The following FAM110B variants were observed in gnomAD, a reference collection of about 807,000 sequenced individuals.
FAM110B encodes the protein family with sequence similarity 110 member B.
A neutral mutation model predicts 20.4 loss-of-function variants in FAM110B; 6 were observed. The ratio of observed to expected loss-of-function variants is 0.29; its 90% CI spans 0.16 to 0.58. FAM110B has a LOEUF of 0.58. Among genes scored for constraint, FAM110B ranks in the 20% least tolerant of loss-of-function variants. FAM110B has a pLI of 0.90. For missense variants in FAM110B, 434 were observed against 498.2 expected, an observed-to-expected ratio of 0.87 and a Z score of 1.23; for synonymous variants, 226 against 214.1, an observed-to-expected ratio of 1.06 and a Z score of -0.49.
chr8:58,147,508 G>A lies in FAM110B; in HGVS notation c.*165G>A, dbSNP rs373193469. On this transcript the variant is annotated 3_prime_UTR_variant, in exon 4 of 4. Transcript: ENST00000519262. ...ACATGGGGACTGACCTGGCTTCCACGTCACCATCGCTACAGAGCCTGGCTG... is the reference window on the plus strand; with the variant it reads ...ACATGGGGACTGACCTGGCTTCCACATCACCATCGCTACAGAGCCTGGCTG... The A allele has an allele frequency of 3.6e-6, 3 of 835,352 alleles. No individual in the cohort carries two copies. The highest frequency in any genetic ancestry group is 5.4e-5 in the East Asian group (2 of 37,140). The allele number at this position is 835,352 out of a possible 1,614,324, so 51.7% of individuals were successfully genotyped here. A position where few individuals can be genotyped will look rare whatever the true frequency, so the allele number is the denominator to read the frequency against.
chr8:58,121,391 A>C (rs1378658896), intron 3 of FAM110B, among the ~76,000 whole-genome samples: 1 of 152,218 alleles, frequency 6.6e-6, no homozygotes, highest in African/African-American at 2.4e-5. Context: ...CCAGATTCCA[A>C]GCATCCATAT....
chr8:58,096,829 G>A (rs751380571), intron 3 of FAM110B, among the ~76,000 whole-genome samples: 1 of 152,082 alleles, frequency 6.6e-6, no homozygotes, highest in African/African-American at 2.4e-5. Flanking sequence ...ATGAAATTCT[G>A]GGTTGAAAAA....
intron 1 of FAM110B, among the ~76,000 whole-genome samples, chr8:58,008,126 ATTT>A (rs71248160): frequency 4.3e-5 from 5 of 115,992 alleles, no homozygotes; most frequent in African/African-American, 1.7e-4. Flanking sequence ...AAAAGCTTGC[ATTT>A]TTTTTTTTTT....
At chr8:58,099,166 T>C (rs1245459571) in intron 3 of FAM110B, 2 of 152,208 alleles carry the variant, frequency 1.3e-5, no homozygotes, top group Non-Finnish European at 2.9e-5. Context: ...ATACTCAAGG[T>C]TATTTTATAA....
intron 1 of FAM110B, among the ~76,000 whole-genome samples, chr8:58,025,231 G>A (rs1804830847): frequency 6.6e-6 from 1 of 152,198 alleles, no homozygotes. Context: ...AAGGGGAGAA[G>A]TGGTCAAAGC....
intron 3 of FAM110B, among the ~76,000 whole-genome samples, chr8:58,136,128 C>T (rs1400679210): frequency 4.6e-5 from 7 of 151,456 alleles, no homozygotes; most frequent in Non-Finnish European, 5.9e-5. Context: ...TTTCCTGCCT[C>T]AGCCTCCTGA....
intron 3 of FAM110B, among the ~76,000 whole-genome samples, chr8:58,095,296 G>C (rs574953607): frequency 5.3e-5 from 8 of 151,804 alleles, no homozygotes; most frequent in Non-Finnish European, 1.0e-4. Context: ...AAATTAGTTC[G>C]CTCTTGCTTC....
rs115778188 is a variant in FAM110B, at chr8:58,116,005, T to G, written c.-324-29902T>G. Among the ~76,000 whole-genome samples the G allele has an allele frequency of 2.5e-3, 379 of 152,296 alleles. 1 individual carries two copies. The highest frequency in any genetic ancestry group is 8.6e-3 in the African/African-American group (359 of 41,556). Reference sequence around the variant, plus strand: ...TTTAACAGGATATTTGTAAACTCTGTGTACCAGGTCCTGTTTTAGGCCCTG... The same window carrying G: ...TTTAACAGGATATTTGTAAACTCTGGGTACCAGGTCCTGTTTTAGGCCCTG... On this transcript the variant is annotated intron_variant, in intron 3 of 3. Coordinates refer to ENST00000519262, the MANE Select transcript of FAM110B (RefSeq NM_001377989.1).
chr8:58,028,579 CTTT>C (rs1286286714), intron 1 of FAM110B, among the ~76,000 whole-genome samples: 1 of 152,014 alleles, frequency 6.6e-6, no homozygotes, highest in Non-Finnish European at 1.5e-5. Context: ...ACATCTTGTC[CTTT>C]TTCCCCCCTT....
At chr8:57,998,548 G>T (rs569928184) in intron 1 of FAM110B, among the ~76,000 whole-genome samples, 1 of 152,170 alleles carries the variant, frequency 6.6e-6, no homozygotes, top group Admixed American at 6.5e-5. Context: ...TTTTAATGTT[G>T]ATTTTTTTGT....
chr8:58,034,402 C>T (rs1385649108), intron 2 of FAM110B, among the ~76,000 whole-genome samples: 3 of 152,236 alleles, frequency 2.0e-5, no homozygotes, highest in Non-Finnish European at 4.4e-5. Context: ...CAAACCAGCC[C>T]TGACCCCTTT....
intron 2 of FAM110B, among the ~76,000 whole-genome samples, chr8:58,046,223 A>G (rs186107056): frequency 1.3e-5 from 2 of 152,242 alleles, no homozygotes; most frequent in Admixed American, 6.5e-5. Flanking sequence ...CTAATTAGCT[A>G]TAATTGAATT....
Position 58,126,261 on chromosome 8 carries a change from T to C in FAM110B, c.-324-19646T>C, listed in dbSNP as rs566006813. Among the ~76,000 whole-genome samples the C allele has an allele frequency of 2.0e-5, 3 of 152,384 alleles. No individual in the cohort carries two copies. In the South Asian group the frequency reaches 6.2e-4, roughly 32 times the overall value. On this transcript the variant is annotated intron_variant, in intron 3 of 3. Transcript: ENST00000519262. The stretch of plus-strand genomic sequence containing the variant: ...CTTTTCATTGCTGAGTATCAGCCAT[T>C]GTATGGATATACCATAGTTTAGTTA...
intron 3 of FAM110B, among the ~76,000 whole-genome samples, chr8:58,125,018 A>G (rs1807460987): frequency 6.6e-6 from 1 of 152,158 alleles, no homozygotes; most frequent in South Asian, 2.1e-4. Flanking sequence ...TGAAATCTAG[A>G]ATTGTTCTGC....
intron 1 of FAM110B, among the ~76,000 whole-genome samples, chr8:58,013,986 A>G (rs533566175): frequency 2.0e-5 from 3 of 152,158 alleles, no homozygotes; most frequent in Non-Finnish European, 4.4e-5. Context: ...CCTCTTGTGA[A>G]CAAGGATTGA....
chr8:58,018,344 C>G (rs1040702204), intron 1 of FAM110B, among the ~76,000 whole-genome samples: 3 of 152,064 alleles, frequency 2.0e-5, no homozygotes, highest in African/African-American at 4.8e-5. Context: ...TTATGTAATG[C>G]CTTTTCCTTG....
At chr8:58,114,011 T>A in intron 3 of FAM110B, among the ~76,000 whole-genome samples, 1 of 152,244 alleles carries the variant, frequency 6.6e-6, no homozygotes, top group South Asian at 2.1e-4. Flanking sequence ...AGTAACTGAC[T>A]GCCCTGCCAT....
At chr8:58,129,519 A>G (rs913725516) in intron 3 of FAM110B, among the ~76,000 whole-genome samples, 2 of 152,224 alleles carry the variant, frequency 1.3e-5, no homozygotes, top group African/African-American at 4.8e-5. Context: ...TTAGCCCAAT[A>G]AATGGCTCCT....
intron 3 of FAM110B, among the ~76,000 whole-genome samples, chr8:58,115,956 G>A (rs1223346529): frequency 6.6e-6 from 1 of 152,282 alleles, no homozygotes; most frequent in Non-Finnish European, 1.5e-5. Context: ...AAGCACTTTG[G>A]ACCCTGGCCA....
Sources: gnomAD v4.1 joint callset for allele counts (sites outside exome capture counted in the v4.1 genomes callset) on GRCh38, gnomAD v4.1.1 for gene constraint, MANE v1.5 for transcripts, NCBI Gene and HGNC (gene_info 2026-07-23, HGNC 2026-07-21) for gene names.